Variants in ZIC4 observed in about 807,000 individuals in gnomAD.
ZIC4 encodes zinc finger protein ZIC 4.
ZIC4 carries 15 observed loss-of-function variants against 28.8 expected under a neutral mutation model. The observed-to-expected ratio is 0.52, with a 90% CI of 0.35 to 0.80. ZIC4 has a LOEUF of 0.80. ZIC4 is among the 30% of genes least tolerant of loss of function. The pLI is 0.01. For missense variants in ZIC4, 512 were observed against 467.1 expected, an observed-to-expected ratio of 1.10 and a Z score of -0.89; for synonymous variants, 220 against 198.1, an observed-to-expected ratio of 1.11 and a Z score of -0.93.
chr3:147,392,740 G>A (rs2086953584), intron 3 of ZIC4: 1 of 152,302 alleles, frequency 6.6e-6, no homozygotes, highest in Non-Finnish European at 1.5e-5. Context: ...GGACAGAGAG[G>A]TTTGCGCACA....
At chr3:147,394,661 G>A (rs2087001023) in intron 3 of ZIC4, among the ~76,000 whole-genome samples, 1 of 152,016 alleles carries the variant, frequency 6.6e-6, no homozygotes, top group Admixed American at 6.5e-5. Context: ...CGACATTGTG[G>A]GAAACCCTGA....
At chr3:147,390,469 A>G (rs1449263440) in intron 4 of ZIC4, among the ~76,000 whole-genome samples, 1 of 152,142 alleles carries the variant, frequency 6.6e-6, no homozygotes, top group Non-Finnish European at 1.5e-5. Context: ...TCTGCGAAGC[A>G]TGCGGGAAAT....
chr3:147,392,293 C>G, intron 3 of ZIC4: 1 of 985,770 alleles, frequency 1.0e-6, no homozygotes, highest in Non-Finnish European at 1.2e-6. Flanking sequence ...CGGAGGGCCA[C>G]CAGGCGGCTG....
At chr3:147,392,349 A>G (rs559023533) in intron 3 of ZIC4, 2 of 985,552 alleles carry the variant, frequency 2.0e-6, no homozygotes, top group Non-Finnish European at 2.4e-6. Context: ...GATGCCCTGT[A>G]GAGCCGAGGG....
chr3:147,406,282 G>A (rs1319270473), intron 1 of ZIC4, 81 bp downstream of exon 1: 1 of 152,634 alleles, frequency 6.6e-6, no homozygotes, highest in East Asian at 1.9e-4. Flanking sequence ...TTGGGTGCCA[G>A]TGGTCCCCTT....
At chr3:147,399,002 T>C (rs1018004019) in intron 2 of ZIC4, among the ~76,000 whole-genome samples, 1 of 151,970 alleles carries the variant, frequency 6.6e-6, no homozygotes, top group Non-Finnish European at 1.5e-5. Flanking sequence ...TCCACAACAA[T>C]TTCTCTCTAC....
chr3:147,404,044 CA>C (rs1178126042), intron 1 of ZIC4: 1 of 1,537,220 alleles, frequency 6.5e-7, no homozygotes, highest in Non-Finnish European at 8.7e-7. Flanking sequence ...CTCCTTCCAG[CA>C]CAAATCAGGA....
chr3:147,396,989 C>G lies in ZIC4; in HGVS notation c.71-520G>C, dbSNP rs1436629269. On this transcript the variant is annotated intron_variant, in intron 2 of 4. Transcript: ENST00000383075. The surrounding 1 kb of genome is among the most constrained non-coding windows in gnomAD (Gnocchi z 4.2). ...GCCGGCTGCTTGCCGACCCACGCTC[C>G]CCGGAGCTCCCTGTACCGGGCCGCT... 2 of 152,582 alleles carry G rather than the reference C, an allele frequency of 1.3e-5. No individual in the cohort carries two copies. Among genetic ancestry groups the G allele is most frequent in the Non-Finnish European group, 2.9e-5 (2 of 68,372 alleles). The allele number at this position is 152,582 out of a possible 1,614,324, so 9.5% of individuals were successfully genotyped here. A position where few individuals can be genotyped will look rare whatever the true frequency, so the allele number is the denominator to read the frequency against.
intron 3 of ZIC4, chr3:147,391,847 TGCAGGGAGA>T (rs1217228700): frequency 8.5e-6 from 4 of 472,972 alleles, no homozygotes; most frequent in Admixed American, 6.4e-5. Context: ...GGATTCGTGC[TGCAGGGAGA>T]GGTATTCTGA....
At chr3:147,401,768 A>G (rs906232341) in intron 2 of ZIC4, among the ~76,000 whole-genome samples, 1 of 152,248 alleles carries the variant, frequency 6.6e-6, no homozygotes, top group Non-Finnish European at 1.5e-5. Flanking sequence ...AGTTTTAAAC[A>G]TCATTAATGG....
Position 147,390,917 on chromosome 3 carries a change from C to A in ZIC4, c.1004+14G>T. Reference sequence around the variant, plus strand: ...GGGGCAGCCGCTATGGGGCCCAAGCCCTGACACACGTACCATTCGCTCAAG... The same window carrying A: ...GGGGCAGCCGCTATGGGGCCCAAGCACTGACACACGTACCATTCGCTCAAG... On this transcript the variant is annotated intron_variant, in intron 4 of 4. Coordinates refer to ENST00000383075, the MANE Select transcript of ZIC4 (RefSeq NM_032153.6). The A allele has an allele frequency of 1.3e-6, 2 of 1,598,208 alleles. No homozygotes were observed. Among genetic ancestry groups the A allele is most frequent in the Non-Finnish European group, 1.7e-6 (2 of 1,171,972 alleles).
chr3:147,391,238 G>T lies in ZIC4; in HGVS notation c.697C>A (p.Pro233Thr), dbSNP rs770762976. 6.3e-7 allele frequency: 1 copy of T among 1,585,826 alleles called. No homozygotes were observed. The highest frequency in any genetic ancestry group is 1.3e-5 in the African/African-American group (1 of 74,602). The change falls in exon 4 of 5, where the codon CCC (proline) becomes ACC (threonine). Residue 233 changes from proline (P) to threonine (T), a missense_variant. This residue lies in a region of ZIC4 where 58 missense variants were observed against 93.8 expected (regional missense o/e 0.62). Transcript: ENST00000383075. ...IHKRTHTGEK[P>T]FRCEFEGCER... ...CAGCCCTCGAACTCGCATCTGAAGGGCTTCTCGCCTGGCGGAGGCAACGCA... is the reference window on the plus strand; with the variant it reads ...CAGCCCTCGAACTCGCATCTGAAGGTCTTCTCGCCTGGCGGAGGCAACGCA...
intron 1 of ZIC4, chr3:147,404,209 G>T: frequency 2.0e-6 from 3 of 1,471,596 alleles, no homozygotes; most frequent in South Asian, 1.4e-5. Flanking sequence ...GGAAATGGGT[G>T]TGAGGTTCCC....
intron 4 of ZIC4, among the ~76,000 whole-genome samples, chr3:147,390,170 A>T (rs890599361): frequency 3.3e-5 from 5 of 152,236 alleles, no homozygotes; most frequent in Non-Finnish European, 5.9e-5. Context: ...GAAGCGTCTA[A>T]CCACCACCCA....
At position 147,396,639 on chromosome 3, in the gene ZIC4, A is replaced by G. The variant is rs2087051312; in HGVS notation, c.71-170T>C. On this transcript the variant is annotated intron_variant, in intron 2 of 4. Transcript: ENST00000383075. The surrounding 1 kb of genome is among the most constrained non-coding windows in gnomAD (Gnocchi z 4.2). ...GAACCCGGTGGACAGAGCAAGGCCA[A>G]ACACCTCCGCCGCCATTGGGCCGAA... 1.2e-6 allele frequency: 1 copy of G among 800,506 alleles called. No individual in the cohort carries two copies. Among genetic ancestry groups the G allele is most frequent in the South Asian group, 3.1e-5 (1 of 32,634 alleles). The allele number at this position is 800,506 out of a possible 1,614,324, so 49.6% of individuals were successfully genotyped here. A position where few individuals can be genotyped will look rare whatever the true frequency, so the allele number is the denominator to read the frequency against.
intron 1 of ZIC4, chr3:147,405,312 A>C: frequency 7.1e-7 from 1 of 1,406,138 alleles, no homozygotes; most frequent in Non-Finnish European, 9.5e-7. Context: ...AAAAAAGAGC[A>C]GCATGCAGTG....
At chr3:147,397,632 G>A (rs2087078367) in intron 2 of ZIC4, among the ~76,000 whole-genome samples, 1 of 152,076 alleles carries the variant, frequency 6.6e-6, no homozygotes, top group Admixed American at 6.5e-5. Flanking sequence ...CGGGGCTGAT[G>A]GGCAGCATCG....
intron 1 of ZIC4, chr3:147,403,420 G>A (rs1007360558): frequency 6.5e-6 from 1 of 152,732 alleles, no homozygotes; most frequent in Non-Finnish European, 1.5e-5. Flanking sequence ...AATTTGTCAG[G>A]TTAAAAAGGT....
In ZIC4 at chr3:147,391,004, A is replaced by C. The variant is rs1270475661; in HGVS notation, c.931T>G (p.Ser311Ala). 26 of 1,613,278 alleles carry C rather than the reference A, an allele frequency of 1.6e-5. No homozygotes were observed. Among genetic ancestry groups the C allele is most frequent in the Non-Finnish European group, 2.2e-5 (26 of 1,179,894 alleles). Residue 311 changes from serine to alanine, a missense_variant, in exon 4 of 5, where the codon TCG becomes GCG. Physicochemically the swap from Ser to Ala is moderately conservative, Grantham distance 99. Around this residue, in one of 3 missense-constraint regions of ZIC4, gnomAD observed 144 missense variants for 116.8 expected, o/e 1.23. Coordinates refer to ENST00000383075, the MANE Select transcript of ZIC4 (RefSeq NM_032153.6). ...ATPSALVSPS[S>A]DCGHKSQVAS... Reference sequence around the variant, plus strand: ...ACCTGGGACTTGTGGCCGCAGTCCGACGAGGGCGACACGAGGGCAGACGGT... The same window carrying C: ...ACCTGGGACTTGTGGCCGCAGTCCGCCGAGGGCGACACGAGGGCAGACGGT...
Sources: allele counts gnomAD v4.1 joint callset (sites outside exome capture counted in the v4.1 genomes callset), GRCh38; gene constraint gnomAD v4.1.1; regional missense constraint gnomAD v4.1.1; non-coding constraint Gnocchi (gnomAD v3.1); transcripts MANE v1.5; gene names NCBI Gene and HGNC (gene_info 2026-07-23, HGNC 2026-07-21).